The following CAND2 variants were observed in gnomAD, a reference collection of about 807,000 sequenced individuals.
CAND2 encodes cullin-associated NEDD8-dissociated protein 2.
CAND2 carries 62 observed loss-of-function variants against 98.9 expected under a neutral mutation model. The ratio of observed to expected loss-of-function variants is 0.63; its 90% confidence interval spans 0.51 to 0.77. The LOEUF (loss-of-function observed/expected upper bound fraction) is 0.77, where lower values mean the gene tolerates loss of function less well. CAND2 is among the 30% of genes least tolerant of loss of function. CAND2 has a pLI of 0.00. For missense variants in CAND2, 1,501 were observed against 1,655.2 expected (o/e 0.91, Z 1.62); for synonymous variants, 770 against 731.9 (o/e 1.05, Z -0.84).
In CAND2 at chr3:12,829,210, A is replaced by G. The variant is rs564320647; in HGVS notation, c.3375+1606A>G. Among the ~76,000 whole-genome samples, 5 of 152,300 alleles carry G rather than the reference A, an allele frequency of 3.3e-5. No individual in the cohort carries two copies. The East Asian group carries it at 7.7e-4, about 23-fold the overall frequency. On this transcript the variant is annotated intron_variant, in intron 13 of 14. Coordinates refer to ENST00000456430, the MANE Select transcript of CAND2 (RefSeq NM_001162499.2). ...GCCCAGGCTGGAGTGCATTGGTGCAATCTTGGCTCACTGCAACCTCCGCCT... is the reference window on the plus strand; with the variant it reads ...GCCCAGGCTGGAGTGCATTGGTGCAGTCTTGGCTCACTGCAACCTCCGCCT...
intron 11 of CAND2, among the ~76,000 whole-genome samples, chr3:12,825,234 G>C (rs2061989762): frequency 6.6e-6 from 1 of 151,806 alleles, no homozygotes. Flanking sequence ...GGCTCTCCAA[G>C]GTCCCACAGT....
rs934135224 is a variant in CAND2 at position 12,807,477 on chromosome 3, G to A, written c.367+17G>A. Reference sequence around the variant, plus strand: ...CAGCCACAGGTACCCAGGTCCCCAGGACTAGGTACTGTTAGTATTTGTCCT... The same window carrying A: ...CAGCCACAGGTACCCAGGTCCCCAGAACTAGGTACTGTTAGTATTTGTCCT... On this transcript the variant is annotated intron_variant, in intron 3 of 14. Coordinates refer to ENST00000456430, the MANE Select transcript of CAND2 (RefSeq NM_001162499.2). 1.3e-6 allele frequency: 2 copies of A among 1,547,468 alleles called. No individual in the cohort carries two copies. Among genetic ancestry groups the A allele is most frequent in the Non-Finnish European group, 1.7e-6 (2 of 1,144,900 alleles).
chr3:12,810,530 G>A (rs924381563), intron 5 of CAND2, among the ~76,000 whole-genome samples: 8 of 152,210 alleles, frequency 5.3e-5, no homozygotes, highest in Non-Finnish European at 8.8e-5. Flanking sequence ...CTGAAACGCA[G>A]AGGTTGGGGC....
At chr3:12,820,307 C>T in intron 11 of CAND2, 126 bp downstream of exon 11, 1 of 655,098 alleles carries the variant, frequency 1.5e-6, no homozygotes, top group South Asian at 2.1e-5. Flanking sequence ...CCATGATGGG[C>T]AGCAGGGCCT....
intron 9 of CAND2, 48 bp downstream of exon 9, chr3:12,816,056 A>G (rs781070638): frequency 6.3e-7 from 1 of 1,576,878 alleles, no homozygotes; most frequent in Non-Finnish European, 8.7e-7. Flanking sequence ...CCACTTCCAG[A>G]ACCCAGACCC....
At position 12,808,352 on chromosome 3, in the gene CAND2, G is replaced by A. The variant is rs1262103018; in HGVS notation, c.491+19G>A. The stretch of plus-strand genomic sequence containing the variant: ...TGAGCAGGTGTGGGAGGCCATCCTG[G>A]GTATTGAGGAAGAGTGGGTAAAAGG... On this transcript the variant is annotated intron_variant, in intron 4 of 14. Coordinates refer to ENST00000456430, the MANE Select transcript of CAND2 (RefSeq NM_001162499.2). 1 of 1,550,802 alleles carries A rather than the reference G, an allele frequency of 6.4e-7. No individual in the cohort carries two copies. Among genetic ancestry groups the A allele is most frequent in the African/African-American group, 1.4e-5 (1 of 73,026 alleles).
chr3:12,814,105 T>C (rs981599083), intron 7 of CAND2, among the ~76,000 whole-genome samples: 2 of 152,154 alleles, frequency 1.3e-5, no homozygotes, highest in African/African-American at 4.8e-5. Flanking sequence ...GCTAAGGATG[T>C]GTGTTCGTGG....
Position 12,815,516 on chromosome 3 carries a change from A to C in CAND2, c.1299+83A>C. 3 of 1,339,928 alleles carry C rather than the reference A, an allele frequency of 2.2e-6. No homozygotes were observed. Among genetic ancestry groups the C allele is most frequent in the Non-Finnish European group, 3.0e-6 (3 of 984,770 alleles). The allele number at this position is 1,339,928 out of a possible 1,614,324, so 83.0% of individuals were successfully genotyped here. ...TTAGTGTCCCTGGACTTGGAAACTC[A>C]GCTGGGAGAACATCCAGCCATGGAA... is the stretch of plus-strand genomic sequence containing the variant. On this transcript the variant is annotated intron_variant, in intron 8 of 14. Coordinates refer to ENST00000456430, the MANE Select transcript of CAND2 (RefSeq NM_001162499.2). The surrounding 1 kb of genome is among the most constrained non-coding windows in gnomAD (Gnocchi z 5.7).
chr3:12,822,974 CTATT>C (rs2061969170), intron 11 of CAND2, among the ~76,000 whole-genome samples: 1 of 152,138 alleles, frequency 6.6e-6, no homozygotes, highest in South Asian at 2.1e-4. Flanking sequence ...ACCTACCCAC[CTATT>C]TTGAAAACCT....
rs1315449674 is a variant in CAND2 at position 12,824,270 on chromosome 3, A to G, written c.3041-1200A>G. ...TTTTTTTAAGTTTAAACTCTATATC[A>G]TAGTCCTTTTCTGCTACTATAACAG... On this transcript the variant is annotated intron_variant, in intron 11 of 14. Coordinates refer to ENST00000456430, the MANE Select transcript of CAND2 (RefSeq NM_001162499.2). Among the ~76,000 whole-genome samples the G allele has an allele frequency of 1.8e-4, 27 of 152,344 alleles. No individual in the cohort carries two copies. In the East Asian group the frequency reaches 4.2e-3, roughly 24 times the overall value.
intron 5 of CAND2, among the ~76,000 whole-genome samples, chr3:12,810,939 C>A (rs1371414132): frequency 6.6e-6 from 1 of 152,270 alleles, no homozygotes; most frequent in Non-Finnish European, 1.5e-5. Context: ...AGCCACTGAT[C>A]TGCTTTCTGT....
chr3:12,816,957 C>T lies in CAND2; in HGVS notation c.2025C>T (p.Ala675=), dbSNP rs777500614. 1.9e-6 allele frequency: 3 copies of T among 1,613,094 alleles called. No homozygotes were observed. In the African/African-American group the frequency reaches 4.0e-5, roughly 22 times the overall value. Residue 675 remains alanine (A), a synonymous_variant, in exon 10 of 15, where the codon GCC becomes GCT. Coordinates refer to ENST00000456430, the MANE Select transcript of CAND2 (RefSeq NM_001162499.2). ...QRALRLATLA[A]LDALAQSQGL... is the part of the protein sequence containing the mutation. The stretch of plus-strand genomic sequence containing the variant: ...CTTTGCGACTGGCCACACTGGCAGC[C>T]CTGGACGCCCTGGCCCAGAGCCAGG...
chr3:12,831,351 G>A (rs1462469630), intron 13 of CAND2, 114 bp from the exon 14 acceptor site: 2 of 777,086 alleles, frequency 2.6e-6, no homozygotes, highest in Non-Finnish European at 4.5e-6. Flanking sequence ...ACTTCACGGT[G>A]GTCTGAACTT....
intron 11 of CAND2, 139 bp from the exon 12 acceptor site, chr3:12,825,331 A>G (rs1018089794): frequency 1.3e-6 from 1 of 756,814 alleles, no homozygotes; most frequent in South Asian, 1.9e-5. Context: ...CCTGGCACAA[A>G]GTAGATGCTC....
Position 12,816,489 on chromosome 3 carries a change from G to C in CAND2, c.1557G>C (p.Leu519Phe), listed in dbSNP as rs754001485. 1.2e-6 allele frequency: 2 copies of C among 1,613,872 alleles called. No individual in the cohort carries two copies. The highest frequency in any genetic ancestry group is 2.7e-5 in the African/African-American group (2 of 74,936). The change falls in exon 10 of 15, where the codon TTG becomes TTC. Residue 519 changes from leucine (L) to phenylalanine (F), a missense_variant. By Grantham distance (22) the Leu-to-Phe change is conservative. Coordinates refer to ENST00000456430, the MANE Select transcript of CAND2 (RefSeq NM_001162499.2). Reference sequence around the variant, plus strand: ...CAGCTGAGGCCTTCCACCCACACTTGCCTATCCTCCTGCCACCTGTGATGG... The same window carrying C: ...CAGCTGAGGCCTTCCACCCACACTTCCCTATCCTCCTGCCACCTGTGATGG... ...TEPAEAFHPH[L>F]PILLPPVMAC...
Position 12,833,799 on chromosome 3 carries a change from AC to A in CAND2, c.3529del (p.Leu1177Ter). The A allele has an allele frequency of 3.1e-6, 5 of 1,614,116 alleles. No homozygotes were observed. The highest frequency in any genetic ancestry group is 4.2e-6 in the Non-Finnish European group (5 of 1,180,018). On this transcript the variant is annotated frameshift_variant, in exon 15 of 15. Transcript: ENST00000456430. LOFTEE classifies it high-confidence loss of function. ...AGCAGGAGTTTGAAAAGCAAGATGA[AC>A]TGAAGCGCTCTGCAATGAGGGCAGT... ...VKQEFEKQDE[L>X]KRSAMRAVAA... is the part of the protein sequence containing the mutation.
chr3:12,820,639 G>A (rs1259576814), intron 11 of CAND2, among the ~76,000 whole-genome samples: 2 of 152,332 alleles, frequency 1.3e-5, no homozygotes, highest in East Asian at 3.9e-4. Flanking sequence ...ATCGCCCTCT[G>A]TCTGAGGGGC....
chr3:12,802,988 C>CGTTTTT (rs1553636841), intron 1 of CAND2, among the ~76,000 whole-genome samples: 1 of 127,408 alleles, frequency 7.8e-6, no homozygotes. Flanking sequence ...CCATTAAAAT[C>CGTTTTT]TTTTTTTTTT....
chr3:12,811,023 T>G (rs1261864733), intron 5 of CAND2, among the ~76,000 whole-genome samples: 1 of 152,186 alleles, frequency 6.6e-6, no homozygotes, highest in Admixed American at 6.5e-5. Flanking sequence ...CTTGGAGTTC[T>G]GACTATACCA....
Sources: allele counts gnomAD v4.1 joint callset (sites outside exome capture counted in the v4.1 genomes callset), GRCh38; gene constraint gnomAD v4.1.1; non-coding constraint Gnocchi (gnomAD v3.1); transcripts MANE v1.5; gene names NCBI Gene and HGNC (gene_info 2026-07-23, HGNC 2026-07-21).